RABGAP1L: variants seen among roughly 807,000 people sequenced by gnomAD.
RABGAP1L encodes the protein RAB GTPase activating protein 1 like, also known as rab GTPase-activating protein 1-like.
In RABGAP1L, 63 loss-of-function variants were observed where a neutral mutation model predicts 137.7. The ratio of observed to expected loss-of-function variants is 0.46; its 90% confidence interval spans 0.37 to 0.56. The LOEUF is 0.56. Ranked by LOEUF, RABGAP1L falls within the 20% of genes least tolerant of loss-of-function variation. RABGAP1L has a pLI of 0.00. For synonymous variants in RABGAP1L, 431 were observed against 433.7 expected, an observed-to-expected ratio of 0.99 and a Z score of 0.08; for missense variants, 1,095 against 1,244.0, an observed-to-expected ratio of 0.88 and a Z score of 1.80.
In RABGAP1L at chr1:174,287,850, CTTA is replaced by C. The variant is rs148281120; in HGVS notation, c.1323+9077_1323+9079del. On this transcript the variant is annotated intron_variant, in intron 10 of 25. Coordinates refer to ENST00000681986, the MANE Select transcript of RABGAP1L (RefSeq NM_001366446.1). ...ACATTTAATTATTGGTAGGTAAGGACTTATTATTGTCATTTTATTAATTTTTAA... is the reference window on the plus strand; with the variant it reads ...ACATTTAATTATTGGTAGGTAAGGACTTATTGTCATTTTATTAATTTTTAA... Among the ~76,000 whole-genome samples, 573 of 152,214 alleles carry C rather than the reference CTTA, an allele frequency of 3.8e-3. 3 individuals are homozygous for C. Among genetic ancestry groups the C allele is most frequent in the Non-Finnish European group, 6.8e-3 (464 of 68,000 alleles).
intron 14 of RABGAP1L, among the ~76,000 whole-genome samples, chr1:174,674,749 G>A (rs1212814493): frequency 6.6e-6 from 1 of 151,946 alleles, no homozygotes; most frequent in African/African-American, 2.4e-5. Context: ...TCCAGCACCT[G>A]TTGTTTCCTA....
At chr1:174,853,228 GTTTT>G (rs77745358) in intron 19 of RABGAP1L, among the ~76,000 whole-genome samples, 1 of 138,834 alleles carries the variant, frequency 7.2e-6, no homozygotes, top group Non-Finnish European at 1.6e-5. Context: ...AGGCTGGGTT[GTTTT>G]TTTTTTTTTT....
intron 13 of RABGAP1L, among the ~76,000 whole-genome samples, chr1:174,527,204 G>GTTTTTTTTTTTTTTTT (rs57011947): frequency 8.4e-6 from 1 of 119,660 alleles, no homozygotes; most frequent in Non-Finnish European, 1.7e-5. Flanking sequence ...TTTTTATTTT[G>GTTTTTTTTTTTTTTTT]TTTTTTTTTT....
rs1383712305 is a variant in RABGAP1L, at chr1:174,305,046, C to T, written c.1384C>T (p.Arg462Ter). The stretch of plus-strand genomic sequence containing the variant: ...AATATATGAGGTGGTGAGTCTACAG[C>T]GAGAGTCTGACAAGGAGGAACCAGT... ...DAIYEVVSLQ[R>*]ESDKEEPVTP... Residue 462 changes from arginine to a stop codon, truncating the protein, a stop_gained, in exon 11 of 26, where the codon CGA becomes TGA. Coordinates refer to ENST00000681986, the MANE Select transcript of RABGAP1L (RefSeq NM_001366446.1). LOFTEE classifies it high-confidence loss of function. 1.9e-6 allele frequency: 3 copies of T among 1,562,556 alleles called. No individual in the cohort carries two copies. Among genetic ancestry groups the T allele is most frequent in the Non-Finnish European group, 1.7e-6 (2 of 1,159,206 alleles).
At chr1:174,628,504 A>G (rs931772723) in intron 13 of RABGAP1L, among the ~76,000 whole-genome samples, 5 of 152,248 alleles carry the variant, frequency 3.3e-5, no homozygotes, top group Non-Finnish European at 7.3e-5. Context: ...TATGCTAAGT[A>G]CTTCACATAC....
At chr1:174,434,960 ATTTAT>A (rs1272035291) in intron 13 of RABGAP1L, among the ~76,000 whole-genome samples, 1 of 152,120 alleles carries the variant, frequency 6.6e-6, no homozygotes, top group Non-Finnish European at 1.5e-5. Flanking sequence ...TAAGCAGAAC[ATTTAT>A]TTTAAGTATA....
At chr1:174,589,735 G>A (rs1381127441) in intron 13 of RABGAP1L, among the ~76,000 whole-genome samples, 1 of 152,134 alleles carries the variant, frequency 6.6e-6, no homozygotes, top group African/African-American at 2.4e-5. Flanking sequence ...AACAATGTAT[G>A]TTCTTGGCAT....
intron 13 of RABGAP1L, among the ~76,000 whole-genome samples, chr1:174,581,380 T>C (rs917415095): frequency 1.3e-5 from 2 of 152,378 alleles, no homozygotes; most frequent in Admixed American, 6.5e-5. Flanking sequence ...AGCATTGATG[T>C]ATGCTACAAC....
At chr1:174,679,401 C>T (rs1450548206) in intron 14 of RABGAP1L, among the ~76,000 whole-genome samples, 1 of 152,094 alleles carries the variant, frequency 6.6e-6, no homozygotes, top group Non-Finnish European at 1.5e-5. Flanking sequence ...ACATGCTCAG[C>T]AACGTAAGAA....
intron 17 of RABGAP1L, among the ~76,000 whole-genome samples, chr1:174,709,386 C>T (rs1680301696): frequency 6.6e-6 from 1 of 152,204 alleles, no homozygotes; most frequent in South Asian, 2.1e-4. Context: ...CTGGGAGACA[C>T]CTCTGAAGAG....
At chr1:174,218,210 T>G (rs868537365) in intron 1 of RABGAP1L, among the ~76,000 whole-genome samples, 4 of 152,214 alleles carry the variant, frequency 2.6e-5, no homozygotes, top group Non-Finnish European at 5.9e-5. Context: ...CCATAGCTAC[T>G]GTTTGTCACA....
intron 13 of RABGAP1L, among the ~76,000 whole-genome samples, chr1:174,562,607 A>G (rs1483404820): frequency 6.6e-6 from 1 of 152,194 alleles, no homozygotes; most frequent in Non-Finnish European, 1.5e-5. Flanking sequence ...AACCAACCCA[A>G]ATGTCCATCA....
At chr1:174,234,430 A>C (rs1280020386) in intron 4 of RABGAP1L, among the ~76,000 whole-genome samples, 1 of 140,734 alleles carries the variant, frequency 7.1e-6, no homozygotes, top group Non-Finnish European at 1.5e-5. Flanking sequence ...ATCCATCTTG[A>C]ATTGATTTTT....
intron 13 of RABGAP1L, among the ~76,000 whole-genome samples, chr1:174,621,723 A>C (rs1301581677): frequency 6.6e-6 from 1 of 152,192 alleles, no homozygotes; most frequent in Non-Finnish European, 1.5e-5. Context: ...TAAAGACTTA[A>C]ACGTTAGACC....
chr1:174,702,493 G>A (rs183180127), intron 17 of RABGAP1L, among the ~76,000 whole-genome samples: 53 of 152,214 alleles, frequency 3.5e-4, no homozygotes, highest in African/African-American at 1.1e-3. Context: ...GATTAAATTT[G>A]CATAATTAAA....
intron 17 of RABGAP1L, among the ~76,000 whole-genome samples, chr1:174,741,913 C>A (rs978318196): frequency 6.8e-6 from 1 of 146,136 alleles, no homozygotes; most frequent in Non-Finnish European, 1.5e-5. Context: ...GTGGCATGCG[C>A]CTATAGACCC....
At chr1:174,231,827 C>T (rs1217867956) in intron 4 of RABGAP1L, among the ~76,000 whole-genome samples, 1 of 152,060 alleles carries the variant, frequency 6.6e-6, no homozygotes, top group East Asian at 1.9e-4. Flanking sequence ...ATCATGAGAA[C>T]AGCACCGAGG....
chr1:174,484,556 A>C (rs1199564164), intron 13 of RABGAP1L, among the ~76,000 whole-genome samples: 1 of 152,172 alleles, frequency 6.6e-6, no homozygotes, highest in Non-Finnish European at 1.5e-5. Flanking sequence ...TTAAGTCTTT[A>C]ATCCATTTTG....
At chr1:174,711,375 G>A (rs1322861804) in intron 17 of RABGAP1L, among the ~76,000 whole-genome samples, 1 of 152,088 alleles carries the variant, frequency 6.6e-6, no homozygotes, top group Non-Finnish European at 1.5e-5. Context: ...GAGGGCTGCC[G>A]GCACGCTGTC....
Sources: gnomAD v4.1 joint callset for allele counts (sites outside exome capture counted in the v4.1 genomes callset) on GRCh38, gnomAD v4.1.1 for gene constraint, MANE v1.5 for transcripts, NCBI Gene and HGNC (gene_info 2026-07-23, HGNC 2026-07-21) for gene names.